Variants in RRAS2 observed in about 807,000 individuals in gnomAD.
The protein encoded by RRAS2 is RAS related 2.
Under a neutral mutation model 27.6 loss-of-function variants are expected in RRAS2, and 7 were observed. That is an observed-to-expected ratio of 0.25 (90% CI 0.14 to 0.48). The LOEUF (loss-of-function observed/expected upper bound fraction) is 0.48. RRAS2 is among the 20% of genes least tolerant of loss of function. The probability of loss-of-function intolerance (pLI) is 0.99; values close to 1 mark genes in which losing one functional copy is unlikely to be tolerated. For synonymous variants in RRAS2, 86 were observed against 90.9 expected, an observed-to-expected ratio of 0.95 and a Z score of 0.31; for missense variants, 178 against 256.2, an observed-to-expected ratio of 0.69 and a Z score of 2.08.
intron 2 of RRAS2, 33 bp from the exon 3 acceptor site, chr11:14,294,895 GTT>G (rs1258053574): frequency 6.3e-7 from 1 of 1,591,372 alleles, no homozygotes; most frequent in African/African-American, 1.3e-5. Flanking sequence ...AATTATACTT[GTT>G]TTTTATAAAC....
intron 1 of RRAS2, among the ~76,000 whole-genome samples, chr11:14,311,466 A>G (rs1370708658): frequency 1.3e-5 from 2 of 152,180 alleles, no homozygotes; most frequent in Non-Finnish European, 2.9e-5. Flanking sequence ...TCCCTGGTTC[A>G]AGCAATTTTC....
intron 1 of RRAS2, among the ~76,000 whole-genome samples, chr11:14,339,870 T>C (rs1211359990): frequency 6.6e-6 from 1 of 151,954 alleles, no homozygotes; most frequent in African/African-American, 2.4e-5. Flanking sequence ...TCCCACCACC[T>C]TGGGAGGCTG....
At chr11:14,347,800 C>G (rs1276710282) in intron 1 of RRAS2, among the ~76,000 whole-genome samples, 2 of 151,810 alleles carry the variant, frequency 1.3e-5, no homozygotes, top group East Asian at 3.9e-4. Flanking sequence ...CTGACCTGGG[C>G]ACCAGAGCAA....
rs1849135072 is a variant in RRAS2, at chr11:14,358,647, C to T, written c.108+116G>A. On this transcript the variant is annotated intron_variant, in intron 1 of 5. Coordinates refer to ENST00000256196, the MANE Select transcript of RRAS2 (RefSeq NM_012250.6). This position sits in a 1 kb window ranked among gnomAD's most constrained non-coding sequence, Gnocchi z 5.1. ...CCCGCGCCCTCCCGCCCCCTGGCCC[C>T]GGCCCGGGCCCGCGAGGCGCCTCTG... 1.0e-6 allele frequency: 1 copy of T among 975,900 alleles called. No individual in the cohort carries two copies. Among genetic ancestry groups the T allele is most frequent in the African/African-American group, 1.8e-5 (1 of 56,872 alleles). 60.5% of individuals were successfully genotyped at this position (975,900 alleles called of 1,614,324 possible). A position where few individuals can be genotyped will look rare whatever the true frequency, so the allele number is the denominator to read the frequency against.
Position 14,358,203 on chromosome 11 carries a change from T to A in RRAS2, c.108+560A>T, listed in dbSNP as rs1185704067. On this transcript the variant is annotated intron_variant, in intron 1 of 5. Transcript: ENST00000256196. The surrounding 1 kb of genome is among the most constrained non-coding windows in gnomAD (Gnocchi z 5.1). Reference sequence around the variant, plus strand: ...CACACTCCCACCCGGACATATTACCTAAGAGAGTACTTATAAAAAGAGCGT... The same window carrying A: ...CACACTCCCACCCGGACATATTACCAAAGAGAGTACTTATAAAAAGAGCGT... 2 of 984,532 alleles carry A rather than the reference T, an allele frequency of 2.0e-6. No homozygotes were observed. Among genetic ancestry groups the A allele is most frequent in the African/African-American group, 3.5e-5 (2 of 57,214 alleles). 61.0% of individuals were successfully genotyped at this position (984,532 alleles called of 1,614,324 possible).
intron 5 of RRAS2, among the ~76,000 whole-genome samples, chr11:14,279,824 A>C (rs1849473274): frequency 6.6e-6 from 1 of 152,226 alleles, no homozygotes; most frequent in Non-Finnish European, 1.5e-5. Flanking sequence ...TATTAGACAA[A>C]GTTAGTTGAC....
chr11:14,325,492 G>C (rs1554950889), intron 1 of RRAS2, among the ~76,000 whole-genome samples: 2 of 151,922 alleles, frequency 1.3e-5, no homozygotes, highest in Non-Finnish European at 2.9e-5. Context: ...GCAGAGAGGG[G>C]GTTTCACCTT....
chr11:14,283,237 T>A (rs903937376), intron 4 of RRAS2, among the ~76,000 whole-genome samples: 4 of 152,238 alleles, frequency 2.6e-5, no homozygotes, highest in Non-Finnish European at 4.4e-5. Context: ...CTGTCAAATA[T>A]CAAACCAACA....
chr11:14,361,433 G>A (rs1849189968), upstream of RRAS2, among the ~76,000 whole-genome samples: 1 of 152,226 alleles, frequency 6.6e-6, no homozygotes, highest in African/African-American at 2.4e-5. Context: ...GGAGGCCAAG[G>A]CAGGAGGATC....
intron 1 of RRAS2, among the ~76,000 whole-genome samples, chr11:14,345,953 C>A (rs1287681760): frequency 2.0e-5 from 3 of 151,848 alleles, no homozygotes; most frequent in African/African-American, 7.3e-5. Flanking sequence ...ACAAGAAAAA[C>A]AAATATATTC....
intron 1 of RRAS2, among the ~76,000 whole-genome samples, chr11:14,340,123 G>C (rs1449330765): frequency 1.5e-5 from 2 of 135,154 alleles, no homozygotes; most frequent in Admixed American, 7.2e-5. Context: ...GGGCAACAGA[G>C]TCTGTCCCTC....
At chr11:14,356,731 A>C (rs949642054) in intron 1 of RRAS2, 2 of 453,192 alleles carry the variant, frequency 4.4e-6, no homozygotes, top group South Asian at 3.1e-5. Context: ...TCCAGGTACT[A>C]TACTATTCAC....
intron 1 of RRAS2, among the ~76,000 whole-genome samples, chr11:14,343,628 T>C (rs1289886778): frequency 1.3e-5 from 2 of 151,794 alleles, no homozygotes; most frequent in African/African-American, 4.8e-5. Context: ...AGCCTGAGTT[T>C]GACAACAGCC....
intron 1 of RRAS2, among the ~76,000 whole-genome samples, chr11:14,352,961 G>A (rs1591491816): frequency 6.6e-6 from 1 of 152,000 alleles, no homozygotes; most frequent in South Asian, 2.1e-4. Flanking sequence ...ACCACACCCA[G>A]CTAATTTTTG....
At chr11:14,340,893 G>A (rs1260601776) in intron 1 of RRAS2, among the ~76,000 whole-genome samples, 1 of 152,098 alleles carries the variant, frequency 6.6e-6, no homozygotes, top group East Asian at 1.9e-4. Context: ...GAGGAAATTA[G>A]CAACATTCAA....
At chr11:14,329,439 T>C (rs782666433) in intron 1 of RRAS2, among the ~76,000 whole-genome samples, 5 of 152,154 alleles carry the variant, frequency 3.3e-5, no homozygotes, top group Non-Finnish European at 7.3e-5. Context: ...AAAGCAGAGA[T>C]AGATCAAACA....
chr11:14,323,971 C>A (rs1848285739), intron 1 of RRAS2, among the ~76,000 whole-genome samples: 1 of 124,602 alleles, frequency 8.0e-6, no homozygotes, highest in Non-Finnish European at 1.8e-5. Flanking sequence ...GAAAATGTCA[C>A]ATTTGTCTTA....
chr11:14,292,440 A>AG (rs781968614), intron 4 of RRAS2, among the ~76,000 whole-genome samples: 1 of 152,140 alleles, frequency 6.6e-6, no homozygotes, highest in Non-Finnish European at 1.5e-5. Flanking sequence ...TTCAATGCAC[A>AG]TCTACTTTGC....
intron 1 of RRAS2, among the ~76,000 whole-genome samples, chr11:14,320,327 GT>G (rs1357470058): frequency 6.6e-6 from 1 of 152,172 alleles, no homozygotes; most frequent in Admixed American, 6.5e-5. Context: ...TTTTAAAGCT[GT>G]TTTTTCAAAT....
Sources: gnomAD v4.1 joint callset for allele counts (sites outside exome capture counted in the v4.1 genomes callset) on GRCh38, gnomAD v4.1.1 for gene constraint, Gnocchi (gnomAD v3.1) non-coding constraint, MANE v1.5 for transcripts, NCBI Gene and HGNC (gene_info 2026-07-23, HGNC 2026-07-21) for gene names.